The following BMPR1A variants were observed in gnomAD, a reference collection of about 807,000 sequenced individuals.
BMPR1A encodes bone morphogenetic protein receptor type-1A.
Under a neutral mutation model 66.0 loss-of-function variants are expected in BMPR1A, and 7 were observed. That is an observed-to-expected ratio of 0.11 (90% CI 0.06 to 0.20). The LOEUF is 0.20. Among genes scored for constraint, BMPR1A ranks in the 10% least tolerant of loss-of-function variants. The probability of loss-of-function intolerance (pLI) is 1.00; values close to 1 mark genes in which losing one functional copy is unlikely to be tolerated. For synonymous variants in BMPR1A, 200 were observed against 229.7 expected (o/e 0.87, Z 1.17); for missense variants, 408 against 669.1 (o/e 0.61, Z 4.31).
At chr10:86,885,943 C>T (rs903079174) in intron 3 of BMPR1A, among the ~76,000 whole-genome samples, 2 of 152,072 alleles carry the variant, frequency 1.3e-5, no homozygotes, top group African/African-American at 4.8e-5. Flanking sequence ...ATGACAAGGA[C>T]CTGTAAATGT....
chr10:86,908,405 C>T (rs1843427404), intron 7 of BMPR1A, among the ~76,000 whole-genome samples: 1 of 152,162 alleles, frequency 6.6e-6, no homozygotes, highest in Non-Finnish European at 1.5e-5. Context: ...GGGCATACCT[C>T]CTCTTAGGCT....
At chr10:86,766,660 G>T (rs1841167851) in intron 1 of BMPR1A, among the ~76,000 whole-genome samples, 1 of 133,854 alleles carries the variant, frequency 7.5e-6, no homozygotes, top group African/African-American at 3.3e-5. Flanking sequence ...CTTTCACCCA[G>T]GCGGGAGTGC....
intron 1 of BMPR1A, among the ~76,000 whole-genome samples, chr10:86,797,780 A>C (rs1841744716): frequency 6.6e-6 from 1 of 152,206 alleles, no homozygotes; most frequent in South Asian, 2.1e-4. Flanking sequence ...AGGTCCAAAA[A>C]GGTTGAGTTG....
intron 2 of BMPR1A, among the ~76,000 whole-genome samples, chr10:86,844,770 T>A (rs953834828): frequency 2.0e-5 from 3 of 152,190 alleles, no homozygotes; most frequent in Admixed American, 2.0e-4. Context: ...TGTTGAACTA[T>A]TATTTTTTAT....
chr10:86,816,428 A>G (rs1842035903), intron 1 of BMPR1A, among the ~76,000 whole-genome samples: 1 of 152,166 alleles, frequency 6.6e-6, no homozygotes, highest in African/African-American at 2.4e-5. Context: ...TACCTTAGTA[A>G]TTCAGTACCC....
At chr10:86,932,839 CTT>C (rs1329505086), downstream of BMPR1A, 2 of 152,180 alleles carry the variant, frequency 1.3e-5, no homozygotes, top group Middle Eastern at 3.2e-3. Flanking sequence ...GTAGGAGTGA[CTT>C]TGACATTATG....
At chr10:86,791,965 G>C (rs1410335346) in intron 1 of BMPR1A, among the ~76,000 whole-genome samples, 2 of 148,710 alleles carry the variant, frequency 1.3e-5, no homozygotes, top group East Asian at 4.0e-4. Flanking sequence ...GTGATCGCCT[G>C]CTTTGGCCTC....
chr10:86,784,389 T>G (rs1841484646), intron 1 of BMPR1A, among the ~76,000 whole-genome samples: 1 of 152,214 alleles, frequency 6.6e-6, no homozygotes, highest in Non-Finnish European at 1.5e-5. Flanking sequence ...TCGGTTAATG[T>G]GGTGTATTAC....
At chr10:86,887,239 T>A (rs1843078859) in intron 3 of BMPR1A, among the ~76,000 whole-genome samples, 1 of 152,188 alleles carries the variant, frequency 6.6e-6, no homozygotes, top group Non-Finnish European at 1.5e-5. Context: ...TGATGCCACA[T>A]CTTTGCGTTT....
chr10:86,790,934 T>C (rs192595265), intron 1 of BMPR1A, among the ~76,000 whole-genome samples: 6 of 152,338 alleles, frequency 3.9e-5, no homozygotes, highest in African/African-American at 1.4e-4. Context: ...TTCCAAATAT[T>C]GGTTTTAGTG....
At chr10:86,885,685 C>A (rs1396379435) in intron 3 of BMPR1A, among the ~76,000 whole-genome samples, 3 of 152,170 alleles carry the variant, frequency 2.0e-5, no homozygotes, top group African/African-American at 7.2e-5. Flanking sequence ...ATGATGCAGA[C>A]TGTTGTTGCA....
At chr10:86,819,487 G>A (rs996354001) in intron 1 of BMPR1A, among the ~76,000 whole-genome samples, 1 of 152,120 alleles carries the variant, frequency 6.6e-6, no homozygotes, top group Non-Finnish European at 1.5e-5. Context: ...TTTTAGTAGA[G>A]ATGGGGTTTC....
chr10:86,805,377 T>TACGCACACACACACACACACAC (rs1554880397), intron 1 of BMPR1A, among the ~76,000 whole-genome samples: 2 of 142,984 alleles, frequency 1.4e-5, no homozygotes, highest in African/African-American at 5.2e-5. Flanking sequence ...CTCCTACCTG[T>TACGCACACACACACACACACAC]ACACACACAC....
intron 1 of BMPR1A, among the ~76,000 whole-genome samples, chr10:86,805,860 T>G (rs535519871): frequency 1.3e-5 from 2 of 151,834 alleles, no homozygotes; most frequent in Non-Finnish European, 2.9e-5. Context: ...TGATCTGCAG[T>G]CTGTATTCCA....
upstream of BMPR1A, chr10:86,756,274 G>C (rs1309794956): frequency 6.6e-6 from 1 of 152,182 alleles, no homozygotes; most frequent in Non-Finnish European, 1.5e-5. Context: ...GGCGTCTGCG[G>C]GAAGCTACCC....
At chr10:86,769,860 G>A (rs773652529) in intron 1 of BMPR1A, among the ~76,000 whole-genome samples, 1 of 152,170 alleles carries the variant, frequency 6.6e-6, no homozygotes, top group African/African-American at 2.4e-5. Flanking sequence ...AAAGGATAAG[G>A]AAAATTAGAA....
At chr10:86,868,598 C>T (rs568981615) in intron 2 of BMPR1A, among the ~76,000 whole-genome samples, 1 of 152,142 alleles carries the variant, frequency 6.6e-6, no homozygotes, top group South Asian at 2.1e-4. Flanking sequence ...GGGGAGGGAC[C>T]CCTGGAAAGG....
intron 4 of BMPR1A, 150 bp downstream of exon 4, chr10:86,890,374 T>G: frequency 1.2e-6 from 1 of 834,588 alleles, no homozygotes. Flanking sequence ...TTTTGTATAT[T>G]AGAACATTAT....
At chr10:86,794,763 A>G (rs1406633961) in intron 1 of BMPR1A, among the ~76,000 whole-genome samples, 2 of 151,978 alleles carry the variant, frequency 1.3e-5, no homozygotes, top group Non-Finnish European at 2.9e-5. Context: ...ATTAAAAGTA[A>G]TGACTTCTGT....
Sources: allele counts gnomAD v4.1 joint callset (sites outside exome capture counted in the v4.1 genomes callset), GRCh38; gene constraint gnomAD v4.1.1; transcripts MANE v1.5; gene names NCBI Gene and HGNC (gene_info 2026-07-23, HGNC 2026-07-21).